GTF2IRD2B: variants seen among roughly 807,000 people sequenced by gnomAD.
GTF2IRD2B encodes general transcription factor II-I repeat domain-containing protein 2B.
Under a neutral mutation model 55.6 loss-of-function variants are expected in GTF2IRD2B, and 10 were observed. The ratio of observed to expected loss-of-function variants is 0.18; its 90% CI spans 0.11 to 0.31. GTF2IRD2B has a LOEUF of 0.31. Ranked by LOEUF, GTF2IRD2B falls within the 10% of genes least tolerant of loss-of-function variation. GTF2IRD2B has a pLI of 1.00. For synonymous variants in GTF2IRD2B, 107 were observed against 320.5 expected (o/e 0.33, Z 7.12); for missense variants, 206 against 802.7 (o/e 0.26, Z 8.98).
chr7:75,103,610 G>T (rs587763653), intron 1 of GTF2IRD2B, among the ~76,000 whole-genome samples: 6 of 151,722 alleles, frequency 4.0e-5, no homozygotes, highest in South Asian at 4.2e-4. Flanking sequence ...AAAGAACAGT[G>T]AACTTCTGAT....
Position 75,148,878 on chromosome 7 carries a change from T to C in GTF2IRD2B, c.2431T>C (p.Leu811=), listed in dbSNP as rs1809239866. The C allele has an allele frequency of 1.2e-6, 2 of 1,605,458 alleles. No homozygotes were observed. The highest frequency in any genetic ancestry group is 1.1e-5 in the South Asian group (1 of 90,896). Residue 811 remains leucine, a synonymous_variant, in exon 16 of 16, where the codon TTG becomes CTG. Transcript: ENST00000472837. ...TCTGGCCCACTTTCCCACCCTGAAATTGGTTTCCAGAAATGAAAGCGATGG... is the reference window on the plus strand; with the variant it reads ...TCTGGCCCACTTTCCCACCCTGAAACTGGTTTCCAGAAATGAAAGCGATGG... ...NNLAHFPTLK[L]VSRNESDGLN...
At chr7:75,115,907 T>G (rs1287134456) in intron 3 of GTF2IRD2B, among the ~76,000 whole-genome samples, 1 of 135,958 alleles carries the variant, frequency 7.4e-6, no homozygotes, top group African/African-American at 2.8e-5. Flanking sequence ...CTTCTTTAAT[T>G]TCTTTTCTTT....
At chr7:75,136,233 C>G (rs1396912789) in intron 10 of GTF2IRD2B, among the ~76,000 whole-genome samples, 1 of 137,146 alleles carries the variant, frequency 7.3e-6, no homozygotes, top group Non-Finnish European at 1.5e-5. Context: ...GCAATGTGAT[C>G]TTACTTTTAG....
chr7:75,121,551 T>C (rs1444238949), intron 4 of GTF2IRD2B, among the ~76,000 whole-genome samples: 10 of 145,188 alleles, frequency 6.9e-5, no homozygotes, highest in African/African-American at 2.3e-4. Context: ...CTCTGCCTCC[T>C]GGGTTCAAGC....
intron 4 of GTF2IRD2B, among the ~76,000 whole-genome samples, chr7:75,122,302 A>C (rs1297986183): frequency 7.2e-6 from 1 of 138,874 alleles, no homozygotes; most frequent in Non-Finnish European, 1.5e-5. Context: ...ATGGGAATTT[A>C]AAAAAAAAAT....
In GTF2IRD2B at chr7:75,148,580, T is replaced by G; in HGVS notation, c.2133T>G (p.Ile711Met). 1.3e-6 allele frequency: 1 copy of G among 767,242 alleles called. No homozygotes were observed. The highest frequency in any genetic ancestry group is 2.2e-6 in the Non-Finnish European group (1 of 460,294). The allele number at this position is 767,242 out of a possible 1,614,324, so 47.5% of individuals were successfully genotyped here. A position where few individuals can be genotyped will look rare whatever the true frequency, so the allele number is the denominator to read the frequency against. Residue 711 changes from isoleucine (I) to methionine (M), a missense_variant, in exon 16 of 16, where the codon ATT (isoleucine) becomes ATG (methionine). Transcript: ENST00000472837. Reference sequence around the variant, plus strand: ...GTAGCCTCCTGTACTACACGGAGATTAAGTGGCTCAGTCGCGGGCTCGTGC... The same window carrying G: ...GTAGCCTCCTGTACTACACGGAGATGAAGTGGCTCAGTCGCGGGCTCGTGC... Reference protein sequence around the residue: ...QYGSLLYYTEIKWLSRGLVLK... With the variant: ...QYGSLLYYTEMKWLSRGLVLK...
chr7:75,102,388 G>A (rs1284330305), intron 1 of GTF2IRD2B, among the ~76,000 whole-genome samples: 2 of 151,490 alleles, frequency 1.3e-5, no homozygotes, highest in Non-Finnish European at 2.9e-5. Context: ...TCTATTCTCA[G>A]TTCCTATAGA....
chr7:75,105,555 T>C (rs1450800696), intron 1 of GTF2IRD2B, among the ~76,000 whole-genome samples: 2 of 152,310 alleles, frequency 1.3e-5, no homozygotes, highest in Non-Finnish European at 2.9e-5. Context: ...CCCTTCCCCC[T>C]ACCATTCTGT....
intron 1 of GTF2IRD2B, among the ~76,000 whole-genome samples, chr7:75,108,486 GT>G (rs1266971383): frequency 2.8e-5 from 1 of 35,698 alleles, no homozygotes; most frequent in African/African-American, 8.5e-5. Context: ...AGGGTTGGGT[GT>G]GGTGGCTCAC....
chr7:75,123,036 C>T lies in GTF2IRD2B; in HGVS notation c.359-100C>T, dbSNP rs782420481. 127 of 1,559,824 alleles carry T rather than the reference C, an allele frequency of 8.1e-5. 2 individuals carry two copies. Among genetic ancestry groups the T allele is most frequent in the Non-Finnish European group, 5.0e-5 (58 of 1,154,382 alleles). On this transcript the variant is annotated intron_variant, in intron 4 of 15. Transcript: ENST00000472837. ...TTGCACTCCAGCCGGGGTGGCAGAG[C>T]GAGACTCTGTTTCTACAAAACAAAA...
At chr7:75,145,710 T>A (rs1554454248) in intron 15 of GTF2IRD2B, among the ~76,000 whole-genome samples, 1 of 129,428 alleles carries the variant, frequency 7.7e-6, no homozygotes, top group African/African-American at 3.0e-5. Flanking sequence ...TCCAGTTTGG[T>A]GACAGAGCAA....
chr7:75,109,228 C>T (rs1807887583), intron 2 of GTF2IRD2B, among the ~76,000 whole-genome samples, 165 bp downstream of exon 2: 1 of 144,836 alleles, frequency 6.9e-6, no homozygotes, highest in Non-Finnish European at 1.5e-5. Flanking sequence ...AATCTCAGCT[C>T]ACGGCAACCT....
At chr7:75,102,660 T>C (rs1383680679) in intron 1 of GTF2IRD2B, among the ~76,000 whole-genome samples, 1 of 150,648 alleles carries the variant, frequency 6.6e-6, no homozygotes, top group Non-Finnish European at 1.5e-5. Flanking sequence ...CTCTGACTCT[T>C]AGAAATAAAA....
At chr7:75,102,784 C>A (rs1391866344) in intron 1 of GTF2IRD2B, among the ~76,000 whole-genome samples, 5 of 151,826 alleles carry the variant, frequency 3.3e-5, no homozygotes, top group Admixed American at 1.3e-4. Context: ...ATGATGAAAC[C>A]CCATCTCTAC....
intron 4 of GTF2IRD2B, 43 bp from the exon 5 acceptor site, chr7:75,123,093 C>T (rs1299122521): frequency 1.8e-5 from 28 of 1,552,322 alleles, no homozygotes; most frequent in East Asian, 1.4e-4. Flanking sequence ...ACTGGTAGAA[C>T]GTTAGGTTCA....
chr7:75,121,485 G>C (rs1460972792), intron 4 of GTF2IRD2B, among the ~76,000 whole-genome samples: 1 of 150,442 alleles, frequency 6.6e-6, no homozygotes, highest in Non-Finnish European at 1.5e-5. Flanking sequence ...TCTGAGAGGA[G>C]TCTTGCTCTG....
intron 4 of GTF2IRD2B, among the ~76,000 whole-genome samples, chr7:75,121,534 C>G (rs1808366443): frequency 1.4e-5 from 2 of 147,608 alleles, no homozygotes; most frequent in Admixed American, 1.3e-4. Context: ...TCTCAGCTCA[C>G]TGTAAACTCT....
chr7:75,127,491 A>AAAG lies in GTF2IRD2B; in HGVS notation c.670+1107_670+1108insAGA, dbSNP rs1554452597. On this transcript the variant is annotated intron_variant, in intron 8 of 15. Transcript: ENST00000472837. ...CTCAAAAAAAAAAAAAAAAAAAAAA[A>AAAG]AGAGAGAGAGAGAGAGAGAGGGAGC... 6.5e-4 allele frequency among the ~76,000 whole-genome samples: 94 copies of AAAG among 144,594 alleles called. 1 individual carries two copies. Among genetic ancestry groups the AAAG allele is most frequent in the South Asian group, 1.7e-3 (8 of 4,630 alleles). The allele number at this position is 144,594 out of a possible 152,430, so 94.9% of individuals were successfully genotyped here. A position where few individuals can be genotyped will look rare whatever the true frequency, so the allele number is the denominator to read the frequency against.
intron 3 of GTF2IRD2B, among the ~76,000 whole-genome samples, chr7:75,113,755 C>A (rs1289168108): frequency 1.4e-5 from 2 of 143,970 alleles, no homozygotes; most frequent in Non-Finnish European, 1.5e-5. Context: ...GGATAAAAAT[C>A]AGAAAGGTTC....
Sources: gnomAD v4.1 joint callset for allele counts (sites outside exome capture counted in the v4.1 genomes callset) on GRCh38, gnomAD v4.1.1 for gene constraint, MANE v1.5 for transcripts, NCBI Gene and HGNC (gene_info 2026-07-23, HGNC 2026-07-21) for gene names.